The following TRPM3 variants were observed in gnomAD, a reference collection of about 807,000 sequenced individuals.
The protein encoded by TRPM3 is transient receptor potential cation channel subfamily M member 3.
A neutral mutation model predicts 181.2 loss-of-function variants in TRPM3; 77 were observed. The observed-to-expected ratio is 0.42, with a 90% CI of 0.35 to 0.51. The LOEUF (loss-of-function observed/expected upper bound fraction) is 0.51, where lower values mean the gene tolerates loss of function less well. Among genes scored for constraint, TRPM3 ranks in the 20% least tolerant of loss-of-function variants. TRPM3 has a pLI of 0.01. For synonymous variants in TRPM3, 745 were observed against 796.4 expected, an observed-to-expected ratio of 0.94 and a Z score of 1.09; for missense variants, 1,759 against 2,196.7, an observed-to-expected ratio of 0.80 and a Z score of 3.98.
In TRPM3 at chr9:70,635,076, C is replaced by G. The variant is rs1031167004; in HGVS notation, c.1632+135G>C. The G allele has an allele frequency of 4.4e-6, 3 of 681,966 alleles. No individual in the cohort carries two copies. In the South Asian group the frequency reaches 5.4e-5, roughly 12 times the overall value. 42.2% of individuals were successfully genotyped at this position (681,966 alleles called of 1,614,324 possible). A position where few individuals can be genotyped will look rare whatever the true frequency, so the allele number is the denominator to read the frequency against. Reference sequence around the variant, plus strand: ...AAAGACACATACACACACACACACACACACACTGTTCTGAAATGAGTGGCG... The same window carrying G: ...AAAGACACATACACACACACACACAGACACACTGTTCTGAAATGAGTGGCG... On this transcript the variant is annotated intron_variant, in intron 12 of 25. Transcript: ENST00000677713.
chr9:70,936,051 A>C (rs2096825983), intron 1 of TRPM3, among the ~76,000 whole-genome samples: 1 of 152,210 alleles, frequency 6.6e-6, no homozygotes, highest in South Asian at 2.1e-4. Context: ...TTTGCAATGG[A>C]ATTAACTTTG....
intron 1 of TRPM3, among the ~76,000 whole-genome samples, chr9:71,214,059 T>C (rs1043138215): frequency 6.6e-6 from 1 of 152,200 alleles, no homozygotes; most frequent in Non-Finnish European, 1.5e-5. Context: ...AGATGCTTTC[T>C]CCAAACCACT....
At position 70,535,776 on chromosome 9, in the gene TRPM3, A is replaced by C; in HGVS notation, c.*177T>G. On this transcript the variant is annotated 3_prime_UTR_variant, in exon 26 of 26. Coordinates refer to ENST00000677713, the MANE Select transcript of TRPM3 (RefSeq NM_001366145.2). The stretch of plus-strand genomic sequence containing the variant: ...CTGTGTCTGGCACTGGGTCAGATCA[A>C]ATGCTTTCTTGATCTGTGGCCCAGA... The C allele has an allele frequency of 6.8e-7, 1 of 1,479,866 alleles. No homozygotes were observed. Among genetic ancestry groups the C allele is most frequent in the South Asian group, 1.4e-5 (1 of 70,244 alleles). 91.7% of individuals were successfully genotyped at this position (1,479,866 alleles called of 1,614,324 possible).
At chr9:70,895,112 A>G (rs986025570) in intron 1 of TRPM3, among the ~76,000 whole-genome samples, 11 of 152,302 alleles carry the variant, frequency 7.2e-5, no homozygotes, top group African/African-American at 2.4e-4. Flanking sequence ...AAAGTGCTAC[A>G]TAAATGTTAG....
At chr9:70,596,790 A>T (rs1165326809) in intron 21 of TRPM3, among the ~76,000 whole-genome samples, 2 of 151,528 alleles carry the variant, frequency 1.3e-5, no homozygotes, top group Non-Finnish European at 2.9e-5. Context: ...AGTGAAAGAT[A>T]TTAGCAAAGA....
chr9:70,564,426 C>T (rs905278786), intron 22 of TRPM3, among the ~76,000 whole-genome samples: 1 of 152,172 alleles, frequency 6.6e-6, no homozygotes, highest in East Asian at 1.9e-4. Context: ...ATTCTCATTG[C>T]CTTTACTGTG....
At chr9:70,966,739 T>C (rs1202441887) in intron 1 of TRPM3, among the ~76,000 whole-genome samples, 1 of 151,922 alleles carries the variant, frequency 6.6e-6, no homozygotes, top group African/African-American at 2.4e-5. Flanking sequence ...TGGGGTTTAT[T>C]GGAGGGTGGG....
At position 70,635,226 on chromosome 9, in the gene TRPM3, G is replaced by A; in HGVS notation, c.1617C>T (p.Val539=). Residue 539 remains valine (V), a synonymous_variant, in exon 12 of 26, where the codon GTC becomes GTT. Transcript: ENST00000677713. Reference sequence around the variant, plus strand: ...GGGTTCTTACCTTTTTGACATCCCTGACCAAGTGGTACAATGTATTTGAGG... The same window carrying A: ...GGGTTCTTACCTTTTTGACATCCCTAACCAAGTGGTACAATGTATTTGAGG... The part of the protein sequence containing the change: ...HGPSNTLYHL[V]RDVKKREYPG... 2.5e-6 allele frequency: 4 copies of A among 1,613,894 alleles called. No individual in the cohort carries two copies. Among genetic ancestry groups the A allele is most frequent in the Non-Finnish European group, 3.4e-6 (4 of 1,179,898 alleles).
At chr9:70,600,335 G>A (rs535245902) in intron 20 of TRPM3, among the ~76,000 whole-genome samples, 76 of 152,248 alleles carry the variant, frequency 5.0e-4, no homozygotes, top group African/African-American at 1.6e-3. Flanking sequence ...CTGGAGGCAG[G>A]TCTATATCCA....
At chr9:70,640,813 T>C (rs900486624) in intron 9 of TRPM3, among the ~76,000 whole-genome samples, 153 bp from the exon 10 acceptor site, 12 of 152,208 alleles carry the variant, frequency 7.9e-5, no homozygotes, top group Non-Finnish European at 1.3e-4. Context: ...CTTGGTATTA[T>C]TAACATTTTG....
At chr9:71,365,987 G>C (rs7874253) in intron 1 of TRPM3, among the ~76,000 whole-genome samples, 1 of 151,784 alleles carries the variant, frequency 6.6e-6, no homozygotes, top group Non-Finnish European at 1.5e-5. Flanking sequence ...ATGGGGAGGG[G>C]TGCATGTTAG....
At chr9:71,419,089 A>G (rs1319659875) in intron 1 of TRPM3, among the ~76,000 whole-genome samples, 3 of 151,556 alleles carry the variant, frequency 2.0e-5, no homozygotes, top group Non-Finnish European at 4.4e-5. Context: ...AAGCTATCAA[A>G]AAAATGTAAA....
intron 1 of TRPM3, among the ~76,000 whole-genome samples, chr9:70,906,502 G>A (rs2096466345): frequency 6.6e-6 from 1 of 151,694 alleles, no homozygotes; most frequent in Non-Finnish European, 1.5e-5. Context: ...TGCCAAGAGT[G>A]TTTTGGGAGT....
intron 20 of TRPM3, among the ~76,000 whole-genome samples, chr9:70,599,162 CA>C (rs2059472601): frequency 6.6e-6 from 1 of 152,196 alleles, no homozygotes; most frequent in Admixed American, 6.5e-5. Flanking sequence ...TAAGCTCCAT[CA>C]CATCTTACAG....
intron 1 of TRPM3, among the ~76,000 whole-genome samples, chr9:71,047,496 A>G (rs1354730807): frequency 2.6e-5 from 4 of 152,198 alleles, no homozygotes; most frequent in Non-Finnish European, 5.9e-5. Context: ...CGCATGTCAC[A>G]TAGAATGTTT....
intron 8 of TRPM3, among the ~76,000 whole-genome samples, chr9:70,747,474 G>A (rs1217151085): frequency 6.6e-6 from 1 of 152,136 alleles, no homozygotes; most frequent in Non-Finnish European, 1.5e-5. Context: ...ATTTTGGACT[G>A]AAACTGCAGG....
At position 70,681,536 on chromosome 9, in the gene TRPM3, C is replaced by T; in HGVS notation, c.1315G>A (p.Asp439Asn). The change falls in exon 9 of 26, where the codon GAT (aspartate) becomes AAT (asparagine). Residue 439 changes from aspartate (D) to asparagine (N), a missense_variant. Coordinates refer to ENST00000677713, the MANE Select transcript of TRPM3 (RefSeq NM_001366145.2). Reference sequence around the variant, plus strand: ...AGTAAAGCTGTCAGGATAGCCAAATCAATGTCCTGGTGTCCTTCTGATCCC... The same window carrying T: ...AGTAAAGCTGTCAGGATAGCCAAATTAATGTCCTGGTGTCCTTCTGATCCC... ...RMGSEGHQDI[D>N]LAILTALLKG... 6.2e-7 allele frequency: 1 copy of T among 1,613,842 alleles called. No individual in the cohort carries two copies. The highest frequency in any genetic ancestry group is 8.5e-7 in the Non-Finnish European group (1 of 1,179,788).
intron 1 of TRPM3, among the ~76,000 whole-genome samples, chr9:71,393,603 T>G (rs1363196553): frequency 1.3e-5 from 2 of 152,214 alleles, no homozygotes; most frequent in Non-Finnish European, 2.9e-5. Flanking sequence ...GCAAAGAGAC[T>G]TGTCTCTAGG....
chr9:71,379,229 G>A (rs1201058851), intron 1 of TRPM3, among the ~76,000 whole-genome samples: 2 of 149,254 alleles, frequency 1.3e-5, no homozygotes, highest in Non-Finnish European at 3.0e-5. Context: ...TGACAGAATG[G>A]ATCTACACTG....
Sources: allele counts gnomAD v4.1 joint callset (sites outside exome capture counted in the v4.1 genomes callset), GRCh38; gene constraint gnomAD v4.1.1; transcripts MANE v1.5; gene names NCBI Gene and HGNC (gene_info 2026-07-23, HGNC 2026-07-21).